Variants in PDE10A observed in about 807,000 individuals in gnomAD.
PDE10A encodes the protein phosphodiesterase 10A.
A neutral mutation model predicts 97.7 loss-of-function variants in PDE10A; 39 were observed. The ratio of observed to expected loss-of-function variants is 0.40; its 90% CI spans 0.31 to 0.52. The LOEUF is 0.52. PDE10A is among the 20% of genes least tolerant of loss of function. The probability of loss-of-function intolerance (pLI) is 0.56; values close to 1 mark genes in which losing one functional copy is unlikely to be tolerated. For synonymous variants in PDE10A, 371 were observed against 376.8 expected (o/e 0.98, Z 0.18); for missense variants, 731 against 1,047.8 (o/e 0.70, Z 4.17).
chr6:165,396,654 T>A (rs1012644214), intron 13 of PDE10A, among the ~76,000 whole-genome samples, 195 bp from the exon 14 acceptor site: 1 of 152,188 alleles, frequency 6.6e-6, no homozygotes, highest in African/African-American at 2.4e-5. Context: ...ATGCTTTTTT[T>A]AAAAAATGGT....
chr6:165,962,105 A>G (rs1390676033), intron 1 of PDE10A, among the ~76,000 whole-genome samples: 1 of 152,230 alleles, frequency 6.6e-6, no homozygotes, highest in Non-Finnish European at 1.5e-5. Flanking sequence ...CCTGGCTCAT[A>G]TGATGCCGCT....
At chr6:165,961,135 G>A (rs1583354687) in intron 1 of PDE10A, among the ~76,000 whole-genome samples, 1 of 152,210 alleles carries the variant, frequency 6.6e-6, no homozygotes, top group Middle Eastern at 3.4e-3. Context: ...GGGGTGCAGG[G>A]GACCTTGCTG....
Position 165,329,046 on chromosome 6 carries a change from A to G in PDE10A, c.*3979T>C, listed in dbSNP as rs1179191261. On this transcript the variant is annotated 3_prime_UTR_variant, in exon 22 of 22. Coordinates refer to ENST00000539869, the MANE Select transcript of PDE10A (RefSeq NM_001385079.1). ...CAGATGAATACTTGCAGTAGAAGAG[A>G]TCCACTATAGTGACTAAATGAATAT... is the stretch of plus-strand genomic sequence containing the variant. 1 of 152,260 alleles carries G rather than the reference A, an allele frequency of 6.6e-6. No individual in the cohort carries two copies. Among genetic ancestry groups the G allele is most frequent in the Non-Finnish European group, 1.5e-5 (1 of 68,046 alleles). 9.4% of individuals were successfully genotyped at this position (152,260 alleles called of 1,614,324 possible).
At position 165,379,277 on chromosome 6, in the gene PDE10A, G is replaced by A. The variant is rs1380159976; in HGVS notation, c.2700C>T (p.Asp900=). ...EIIRKAIIAT[D]LALYFGNRKQ... Reference sequence around the variant, plus strand: ...TCCTGTTTCCAAAGTATAAAGCAAGGTCTGTGGCAATGATGGCTTTGCGGA... The same window carrying A: ...TCCTGTTTCCAAAGTATAAAGCAAGATCTGTGGCAATGATGGCTTTGCGGA... The change falls in exon 18 of 22, where the codon GAC becomes GAT. Residue 900 remains aspartate (D), a synonymous_variant. Transcript: ENST00000539869. 1.9e-6 allele frequency: 3 copies of A among 1,613,514 alleles called. No individual in the cohort carries two copies. The East Asian group carries it at 6.7e-5, about 36-fold the overall frequency.
intron 1 of PDE10A, among the ~76,000 whole-genome samples, chr6:165,653,365 CG>C (rs1418563460): frequency 6.6e-6 from 1 of 152,152 alleles, no homozygotes; most frequent in Non-Finnish European, 1.5e-5. Context: ...GATGGAAGCA[CG>C]GATGAGCGGA....
chr6:165,531,114 CT>C (rs1399520573), intron 2 of PDE10A, among the ~76,000 whole-genome samples: 1 of 151,982 alleles, frequency 6.6e-6, no homozygotes, highest in African/African-American at 2.4e-5. Flanking sequence ...ACTCTGGTGT[CT>C]CAGGGAACCC....
intron 1 of PDE10A, among the ~76,000 whole-genome samples, chr6:165,794,394 T>C (rs982024932): frequency 1.3e-5 from 2 of 149,762 alleles, no homozygotes; most frequent in African/African-American, 4.9e-5. Context: ...CACTCACACA[T>C]GCTCACACTC....
intron 1 of PDE10A, among the ~76,000 whole-genome samples, chr6:165,925,951 T>C (rs1782919467): frequency 6.6e-6 from 1 of 152,242 alleles, no homozygotes; most frequent in Non-Finnish European, 1.5e-5. Flanking sequence ...AGACTGTAGT[T>C]ACACAGGATG....
chr6:165,744,832 G>A (rs991853573), intron 1 of PDE10A, among the ~76,000 whole-genome samples: 3 of 144,940 alleles, frequency 2.1e-5, no homozygotes, highest in African/African-American at 8.2e-5. Flanking sequence ...TTTAAATATG[G>A]GATTATGAAC....
intron 2 of PDE10A, among the ~76,000 whole-genome samples, chr6:165,493,684 T>A (rs1476088938): frequency 6.6e-6 from 1 of 152,072 alleles, no homozygotes; most frequent in Admixed American, 6.5e-5. Context: ...TCAAGATGGA[T>A]CAAAGACTTA....
At chr6:165,365,960 A>C (rs1275065421) in intron 18 of PDE10A, among the ~76,000 whole-genome samples, 1 of 152,178 alleles carries the variant, frequency 6.6e-6, no homozygotes, top group Non-Finnish European at 1.5e-5. Flanking sequence ...TTATTTCCTC[A>C]GCCTATTAAA....
chr6:165,930,345 A>T (rs1783093301), intron 1 of PDE10A, among the ~76,000 whole-genome samples: 1 of 152,220 alleles, frequency 6.6e-6, no homozygotes, highest in Non-Finnish European at 1.5e-5. Flanking sequence ...AAGTGGCCCA[A>T]GAGAAGAGAG....
intron 1 of PDE10A, among the ~76,000 whole-genome samples, chr6:165,557,445 T>G (rs764771544): frequency 6.6e-6 from 1 of 152,192 alleles, no homozygotes; most frequent in East Asian, 1.9e-4. Flanking sequence ...ATGAACATTA[T>G]CATTTATTTA....
chr6:165,377,645 C>A (rs138850069), intron 18 of PDE10A, among the ~76,000 whole-genome samples: 1 of 151,978 alleles, frequency 6.6e-6, no homozygotes. Context: ...TTATTTACAA[C>A]CCCAGAAGAA....
chr6:165,684,302 C>T (rs987535563), intron 1 of PDE10A, among the ~76,000 whole-genome samples: 1 of 152,196 alleles, frequency 6.6e-6, no homozygotes, highest in Non-Finnish European at 1.5e-5. Flanking sequence ...TCCATATGGA[C>T]ACACAATCAA....
chr6:165,954,697 AGCAGC>A (rs1376020260), intron 1 of PDE10A, among the ~76,000 whole-genome samples: 2 of 152,134 alleles, frequency 1.3e-5, no homozygotes, highest in Non-Finnish European at 2.9e-5. Context: ...AGGTAGGCCA[AGCAGC>A]CCACCAGGGA....
At chr6:165,555,290 A>T (rs370229449) in intron 1 of PDE10A, among the ~76,000 whole-genome samples, 2 of 152,272 alleles carry the variant, frequency 1.3e-5, no homozygotes, top group East Asian at 3.9e-4. Context: ...ATACACATAT[A>T]CACCTAGTAT....
chr6:165,644,019 C>T (rs1789269612), intron 1 of PDE10A, among the ~76,000 whole-genome samples: 1 of 152,094 alleles, frequency 6.6e-6, no homozygotes, highest in African/African-American at 2.4e-5. Context: ...GTACGACTGG[C>T]AGACCTGTTG....
In PDE10A at chr6:165,655,769, C is replaced by G. The variant is rs1405073869; in HGVS notation, c.865+6178G>C. 2.0e-5 allele frequency among the ~76,000 whole-genome samples: 3 copies of G among 152,134 alleles called. No individual in the cohort carries two copies. Among genetic ancestry groups the G allele is most frequent in the Admixed American group, 2.0e-4 (3 of 15,274 alleles). On this transcript the variant is annotated intron_variant, in intron 1 of 21. Coordinates refer to ENST00000539869, the MANE Select transcript of PDE10A (RefSeq NM_001385079.1). The surrounding 1 kb of genome is among the most constrained non-coding windows in gnomAD (Gnocchi z 4.5). ...AGCCTCTGCTTTCATGCGGAGTAAA[C>G]TGCAGTTTTTTCCTCTGACTGACAA... is the stretch of plus-strand genomic sequence containing the variant.
Sources: allele counts gnomAD v4.1 joint callset (sites outside exome capture counted in the v4.1 genomes callset), GRCh38; gene constraint gnomAD v4.1.1; non-coding constraint Gnocchi (gnomAD v3.1); transcripts MANE v1.5; gene names NCBI Gene and HGNC (gene_info 2026-07-23, HGNC 2026-07-21).